The following RSRC1 variants were observed in gnomAD, a reference collection of about 807,000 sequenced individuals.
RSRC1 encodes the protein serine/Arginine-related protein 53.
RSRC1 carries 39 observed loss-of-function variants against 49.1 expected under a neutral mutation model. That is an observed-to-expected ratio of 0.79 (90% CI 0.61 to 1.04). The LOEUF is 1.04. Ranked by LOEUF, RSRC1 falls within the 50% of genes least tolerant of loss-of-function variation. RSRC1 has a pLI of 0.00. For missense variants in RSRC1, 388 were observed against 402.4 expected, an observed-to-expected ratio of 0.96 and a Z score of 0.31; for synonymous variants, 143 against 130.8, an observed-to-expected ratio of 1.09 and a Z score of -0.63.
rs188937584 is a variant in RSRC1 at position 158,273,061 on chromosome 3, C to A, written c.495-24978C>A. Among the ~76,000 whole-genome samples, 16 of 152,002 alleles carry A rather than the reference C, an allele frequency of 1.1e-4. No individual in the cohort carries two copies. The East Asian group carries it at 1.4e-3, about 13-fold the overall frequency. On this transcript the variant is annotated intron_variant, in intron 4 of 9. Coordinates refer to ENST00000611884, the MANE Select transcript of RSRC1 (RefSeq NM_001271838.2). ...GAACCTGTTTTTGTGTTTTTATCTTCTGATATTAGTGGAAATTAATTTGCA... is the reference window on the plus strand; with the variant it reads ...GAACCTGTTTTTGTGTTTTTATCTTATGATATTAGTGGAAATTAATTTGCA...
chr3:158,370,812 G>A (rs1337124081), intron 6 of RSRC1, among the ~76,000 whole-genome samples: 1 of 151,868 alleles, frequency 6.6e-6, no homozygotes, highest in East Asian at 1.9e-4. Context: ...GAATTACTAA[G>A]GTTATATAGT....
At chr3:158,451,823 A>G (rs1737058740) in intron 6 of RSRC1, among the ~76,000 whole-genome samples, 2 of 152,086 alleles carry the variant, frequency 1.3e-5, no homozygotes, top group African/African-American at 4.8e-5. Context: ...TAGGTGAGCT[A>G]CTGTATTTTA....
chr3:158,238,923 T>A (rs548679732), intron 4 of RSRC1, among the ~76,000 whole-genome samples: 182 of 152,178 alleles, frequency 1.2e-3, no homozygotes, highest in African/African-American at 2.9e-3. Context: ...CATCAGAGTC[T>A]ACAGGCAACC....
rs145960741 is a variant in RSRC1, at chr3:158,461,142, A to G, written c.652+139A>G. On this transcript the variant is annotated intron_variant, in intron 7 of 9. Transcript: ENST00000611884. ...CAAAACTATGACACAATAGCACACT[A>G]TATTCATTGTCTTGGACACTAATGT... The G allele has an allele frequency of 1.4e-5, 7 of 487,684 alleles. No individual in the cohort carries two copies. In the East Asian group the frequency reaches 1.6e-4, roughly 11 times the overall value. The allele number at this position is 487,684 out of a possible 1,614,324, so 30.2% of individuals were successfully genotyped here. A position where few individuals can be genotyped will look rare whatever the true frequency, so the allele number is the denominator to read the frequency against.
rs1335947530 is a variant in RSRC1 at position 158,545,561 on chromosome 3, C to A, written c.*1286C>A. The A allele has an allele frequency of 6.6e-6, 1 of 152,066 alleles. No homozygotes were observed. The highest frequency in any genetic ancestry group is 1.5e-5 in the Non-Finnish European group (1 of 68,024). 9.4% of individuals were successfully genotyped at this position (152,066 alleles called of 1,614,324 possible). On this transcript the variant is annotated 3_prime_UTR_variant, in exon 10 of 10. Transcript: ENST00000611884. ...TGCCATCTTCTTTATATTTCTGGGA[C>A]ATTAAAATTCAAATCTCTGTTGAAA...
At position 158,474,923 on chromosome 3, in the gene RSRC1, C is replaced by T. The variant is rs556787621; in HGVS notation, c.652+13920C>T. ...CACAGTCGTTGTTTTGGAGGGGAGA[C>T]GGGGGTGGTTGAGATAGGGTCTTGC... On this transcript the variant is annotated intron_variant, in intron 7 of 9. Transcript: ENST00000611884. Among the ~76,000 whole-genome samples the T allele has an allele frequency of 1.4e-3, 212 of 151,818 alleles. 2 individuals are homozygous for T. The highest frequency in any genetic ancestry group is 6.8e-3 in the Middle Eastern group (2 of 294).
At chr3:158,225,918 G>A (rs930936316) in intron 4 of RSRC1, among the ~76,000 whole-genome samples, 1 of 151,878 alleles carries the variant, frequency 6.6e-6, no homozygotes, top group Non-Finnish European at 1.5e-5. Context: ...TAGAAATTAG[G>A]TACCCATTCT....
At chr3:158,236,815 G>C (rs1323349995) in intron 4 of RSRC1, among the ~76,000 whole-genome samples, 1 of 152,200 alleles carries the variant, frequency 6.6e-6, no homozygotes, top group Non-Finnish European at 1.5e-5. Context: ...AAACAACAAA[G>C]AGGAGGTTGG....
chr3:158,544,292 T>A lies in RSRC1; in HGVS notation c.*17T>A. On this transcript the variant is annotated 3_prime_UTR_variant, in exon 10 of 10. Transcript: ENST00000611884. Reference sequence around the variant, plus strand: ...GTGGCCTAAGTAATATACATATAGTTGGATTGGATTGTCAGCAGTAACATT... The same window carrying A: ...GTGGCCTAAGTAATATACATATAGTAGGATTGGATTGTCAGCAGTAACATT... 1 of 1,471,196 alleles carries A rather than the reference T, an allele frequency of 6.8e-7. No homozygotes were observed. The highest frequency in any genetic ancestry group is 9.4e-7 in the Non-Finnish European group (1 of 1,067,416). The allele number at this position is 1,471,196 out of a possible 1,614,324, so 91.1% of individuals were successfully genotyped here.
intron 6 of RSRC1, among the ~76,000 whole-genome samples, chr3:158,405,933 T>G (rs1471372713): frequency 6.6e-6 from 1 of 152,180 alleles, no homozygotes; most frequent in Non-Finnish European, 1.5e-5. Flanking sequence ...AAGATAATAT[T>G]ACATTTTCTA....
chr3:158,207,169 T>C (rs1721385897), intron 4 of RSRC1, among the ~76,000 whole-genome samples: 1 of 152,158 alleles, frequency 6.6e-6, no homozygotes, highest in African/African-American at 2.4e-5. Flanking sequence ...TAGTAATCCA[T>C]AATTATTAAT....
At chr3:158,473,016 A>C (rs953182502) in intron 7 of RSRC1, among the ~76,000 whole-genome samples, 4 of 152,190 alleles carry the variant, frequency 2.6e-5, no homozygotes, top group Non-Finnish European at 4.4e-5. Context: ...AGGAAACAAC[A>C]GGTGCTGGAG....
rs191563184 is a variant in RSRC1 at position 158,449,230 on chromosome 3, A to C, written c.584-11705A>C. Among the ~76,000 whole-genome samples, 167 of 152,028 alleles carry C rather than the reference A, an allele frequency of 1.1e-3. 2 individuals are homozygous for C. The highest frequency in any genetic ancestry group is 0.01 in the Admixed American group (155 of 15,220). ...TAGTTTCAGTGTCTCTAAACATCCA[A>C]AGGAGAACTTAAAAAAAAATTTAAT... On this transcript the variant is annotated intron_variant, in intron 6 of 9. Transcript: ENST00000611884.
chr3:158,335,184 T>C (rs1324871989), intron 5 of RSRC1, among the ~76,000 whole-genome samples: 3 of 152,196 alleles, frequency 2.0e-5, no homozygotes, highest in African/African-American at 7.2e-5. Context: ...GCATTTTTAA[T>C]AAAGATTTTG....
chr3:158,329,237 C>T (rs1487768203), intron 5 of RSRC1, among the ~76,000 whole-genome samples: 5 of 152,348 alleles, frequency 3.3e-5, no homozygotes, highest in Admixed American at 1.3e-4. Flanking sequence ...TCTCTCAACT[C>T]GTCAAAGTCA....
chr3:158,238,551 G>T (rs1040190268), intron 4 of RSRC1, among the ~76,000 whole-genome samples: 3 of 152,146 alleles, frequency 2.0e-5, no homozygotes, highest in Non-Finnish European at 4.4e-5. Flanking sequence ...AGAGGCCACA[G>T]AAATAACACC....
intron 7 of RSRC1, among the ~76,000 whole-genome samples, chr3:158,461,749 C>A (rs947464358): frequency 6.6e-6 from 1 of 151,778 alleles, no homozygotes; most frequent in African/African-American, 2.4e-5. Flanking sequence ...CACAGGGTAG[C>A]TATTTCCTCT....
chr3:158,501,871 G>A (rs1208004814), intron 7 of RSRC1, among the ~76,000 whole-genome samples: 2 of 152,100 alleles, frequency 1.3e-5, no homozygotes, highest in African/African-American at 4.8e-5. Flanking sequence ...TGAGATGTGA[G>A]GTACAGTTGC....
intron 4 of RSRC1, among the ~76,000 whole-genome samples, chr3:158,283,509 A>G (rs1483156321): frequency 6.6e-6 from 1 of 151,264 alleles, no homozygotes; most frequent in East Asian, 2.0e-4. Flanking sequence ...ACATGATTTA[A>G]AAAAAAAACT....
Sources: gnomAD v4.1 joint callset for allele counts (sites outside exome capture counted in the v4.1 genomes callset) on GRCh38, gnomAD v4.1.1 for gene constraint, MANE v1.5 for transcripts, NCBI Gene and HGNC (gene_info 2026-07-23, HGNC 2026-07-21) for gene names.